The following CA10 variants were observed in gnomAD, a reference collection of about 807,000 sequenced individuals.
CA10 encodes the protein carbonic anhydrase-related protein 10.
In CA10, 14 loss-of-function variants were observed where a neutral mutation model predicts 44.2. The observed-to-expected ratio is 0.32, with a 90% CI of 0.21 to 0.50. The LOEUF (loss-of-function observed/expected upper bound fraction) is 0.50, where lower values mean the gene tolerates loss of function less well. Ranked by LOEUF, CA10 falls within the 20% of genes least tolerant of loss-of-function variation. The pLI, the probability that CA10 is intolerant of heterozygous loss-of-function variation, is 0.99. For synonymous variants in CA10, 159 were observed against 141.6 expected (o/e 1.12, Z -0.87); for missense variants, 350 against 409.7 (o/e 0.85, Z 1.26).
intron 2 of CA10, among the ~76,000 whole-genome samples, chr17:51,954,300 G>T (rs1301652277): frequency 6.6e-6 from 1 of 152,124 alleles, no homozygotes. Flanking sequence ...CATTAAAAAA[G>T]TTCATTTACT....
chr17:51,709,290 T>C (rs893607747), intron 4 of CA10, among the ~76,000 whole-genome samples: 1 of 152,078 alleles, frequency 6.6e-6, no homozygotes, highest in Non-Finnish European at 1.5e-5. Flanking sequence ...AAATAAAAAA[T>C]AGAAAAGATA....
chr17:52,068,413 C>T (rs907758747), intron 2 of CA10, among the ~76,000 whole-genome samples: 10 of 152,210 alleles, frequency 6.6e-5, no homozygotes, highest in African/African-American at 1.4e-4. Flanking sequence ...ATAAGTTACC[C>T]GGTCTCAGGC....
chr17:51,758,803 T>C (rs574798144), intron 3 of CA10, among the ~76,000 whole-genome samples: 4 of 152,226 alleles, frequency 2.6e-5, no homozygotes, highest in Non-Finnish European at 5.9e-5. Flanking sequence ...TTAGCTGCCT[T>C]ATGAACATTA....
At chr17:52,047,406 T>C (rs1567714595) in intron 2 of CA10, among the ~76,000 whole-genome samples, 1 of 152,042 alleles carries the variant, frequency 6.6e-6, no homozygotes, top group Non-Finnish European at 1.5e-5. Flanking sequence ...CTCACAAAAT[T>C]GTAAATTTGA....
At chr17:51,958,346 G>T (rs140878428) in intron 2 of CA10, among the ~76,000 whole-genome samples, 353 of 151,584 alleles carry the variant, frequency 2.3e-3, no homozygotes, top group African/African-American at 8.2e-3. Context: ...CAAGCAAATT[G>T]TGTATGTTTG....
chr17:52,111,026 TA>T (rs1988778966), intron 1 of CA10, among the ~76,000 whole-genome samples: 2 of 152,202 alleles, frequency 1.3e-5, no homozygotes, highest in African/African-American at 4.8e-5. Context: ...ATAGTTGAAC[TA>T]AATTGAAGAA....
intron 6 of CA10, among the ~76,000 whole-genome samples, chr17:51,646,801 C>G (rs1423616751): frequency 6.6e-6 from 1 of 152,202 alleles, no homozygotes; most frequent in Admixed American, 6.5e-5. Flanking sequence ...GCCGCAGTGT[C>G]CTGGGCAAAG....
intron 2 of CA10, among the ~76,000 whole-genome samples, chr17:51,999,765 T>A (rs914253622): frequency 6.6e-6 from 1 of 152,068 alleles, no homozygotes; most frequent in African/African-American, 2.4e-5. Context: ...TGACTTCACA[T>A]CTGTCTTTTC....
chr17:51,979,511 T>G (rs1426527175), intron 2 of CA10, among the ~76,000 whole-genome samples: 1 of 152,162 alleles, frequency 6.6e-6, no homozygotes, highest in East Asian at 1.9e-4. Flanking sequence ...CCCCAGTGCC[T>G]GTTGTTTTCT....
At chr17:52,080,583 A>T (rs1156757354) in intron 1 of CA10, among the ~76,000 whole-genome samples, 1 of 152,124 alleles carries the variant, frequency 6.6e-6, no homozygotes, top group Non-Finnish European at 1.5e-5. Context: ...GCTAATTCTC[A>T]GCCTAGTATT....
At chr17:52,106,380 G>T (rs573371957) in intron 1 of CA10, among the ~76,000 whole-genome samples, 1 of 152,210 alleles carries the variant, frequency 6.6e-6, no homozygotes, top group Non-Finnish European at 1.5e-5. Flanking sequence ...TTATTGCTGA[G>T]TCCTTGAAAA....
At chr17:51,938,864 G>A (rs1181117236) in intron 2 of CA10, among the ~76,000 whole-genome samples, 1 of 152,000 alleles carries the variant, frequency 6.6e-6, no homozygotes, top group Non-Finnish European at 1.5e-5. Flanking sequence ...TACTCAAAGA[G>A]GTTAAATGAC....
chr17:51,814,474 C>T (rs1023512980), intron 3 of CA10, among the ~76,000 whole-genome samples: 9 of 152,084 alleles, frequency 5.9e-5, no homozygotes, highest in African/African-American at 1.4e-4. Context: ...ATGTTGCCTA[C>T]TTAGAAAAAA....
chr17:51,844,837 A>AT (rs1978419853), intron 3 of CA10, among the ~76,000 whole-genome samples: 1 of 152,200 alleles, frequency 6.6e-6, no homozygotes, highest in South Asian at 2.1e-4. Flanking sequence ...AGAAACACCC[A>AT]CACCCACCGC....
At chr17:51,890,055 G>T in intron 3 of CA10, among the ~76,000 whole-genome samples, 1 of 152,134 alleles carries the variant, frequency 6.6e-6, no homozygotes, top group East Asian at 1.9e-4. Context: ...TGAAGAAAAG[G>T]GGGTAGCAAC....
chr17:51,917,260 G>A (rs1316712890), intron 3 of CA10, among the ~76,000 whole-genome samples: 1 of 110,712 alleles, frequency 9.0e-6, no homozygotes, highest in Non-Finnish European at 2.3e-5. Flanking sequence ...GATGGGCTCT[G>A]AAAGGCAGGA....
At chr17:52,060,777 T>A (rs1447939830) in intron 2 of CA10, among the ~76,000 whole-genome samples, 2 of 152,216 alleles carry the variant, frequency 1.3e-5, no homozygotes, top group Non-Finnish European at 2.9e-5. Flanking sequence ...AAGTATCACC[T>A]GTTAATCAAA....
chr17:51,974,784 T>G (rs1354882620), intron 2 of CA10, among the ~76,000 whole-genome samples: 2 of 152,014 alleles, frequency 1.3e-5, no homozygotes, highest in Non-Finnish European at 2.9e-5. Flanking sequence ...ACAAGGCAAG[T>G]AAGAAGAAAA....
chr17:52,148,525 C>T (rs1273128842), intron 1 of CA10, among the ~76,000 whole-genome samples: 2 of 152,136 alleles, frequency 1.3e-5, no homozygotes, highest in African/African-American at 4.8e-5. Context: ...TGGGAAGGTT[C>T]CCATTCTCTG....
Sources: gnomAD v4.1 joint callset for allele counts (sites outside exome capture counted in the v4.1 genomes callset) on GRCh38, gnomAD v4.1.1 for gene constraint, MANE v1.5 for transcripts, NCBI Gene and HGNC (gene_info 2026-07-23, HGNC 2026-07-21) for gene names.